SH2D4B: variants seen among roughly 807,000 people sequenced by gnomAD.
The protein encoded by SH2D4B is SH2 domain-containing protein 4B.
In SH2D4B, 45 loss-of-function variants were observed where a neutral mutation model predicts 61.5. That is an observed-to-expected ratio of 0.73 (90% CI 0.58 to 0.94). The LOEUF is 0.94. Ranked by LOEUF, SH2D4B falls within the 40% of genes least tolerant of loss-of-function variation. SH2D4B has a pLI of 0.00. For synonymous variants in SH2D4B, 224 were observed against 220.4 expected (o/e 1.02, Z -0.14); for missense variants, 572 against 574.2 (o/e 1.00, Z 0.04).
At chr10:80,624,862 A>G (rs1842753650) in intron 6 of SH2D4B, among the ~76,000 whole-genome samples, 1 of 152,258 alleles carries the variant, frequency 6.6e-6, no homozygotes, top group Admixed American at 6.5e-5. Flanking sequence ...CAGAACAACA[A>G]TATTAAAATA....
chr10:80,550,455 A>G (rs1028938695), intron 1 of SH2D4B, among the ~76,000 whole-genome samples: 2 of 152,226 alleles, frequency 1.3e-5, no homozygotes, highest in Admixed American at 6.5e-5. Context: ...CTAGCCGGGC[A>G]TGGTGGCAGG....
At chr10:80,628,974 G>C (rs1442352861) in intron 6 of SH2D4B, among the ~76,000 whole-genome samples, 1 of 150,546 alleles carries the variant, frequency 6.6e-6, no homozygotes, top group East Asian at 2.0e-4. Context: ...AGGTTGCAGT[G>C]AGCCGAGATC....
chr10:80,584,949 G>A (rs1490496746), intron 3 of SH2D4B, among the ~76,000 whole-genome samples: 1 of 152,222 alleles, frequency 6.6e-6, no homozygotes, highest in African/African-American at 2.4e-5. Context: ...AGTTGAAAAT[G>A]GTGGCCTCCA....
intron 3 of SH2D4B, among the ~76,000 whole-genome samples, chr10:80,587,985 CT>C (rs1842280172): frequency 6.6e-6 from 1 of 152,142 alleles, no homozygotes; most frequent in Non-Finnish European, 1.5e-5. Context: ...CCATTTTCTC[CT>C]CACCACCACC....
intron 4 of SH2D4B, among the ~76,000 whole-genome samples, chr10:80,599,506 G>A (rs991333045): frequency 7.9e-5 from 12 of 152,142 alleles, no homozygotes; most frequent in African/African-American, 2.9e-4. Flanking sequence ...GGGCTTTATG[G>A]TTCCCCAAAG....
At chr10:80,633,331 A>C (rs1335138456) in intron 6 of SH2D4B, among the ~76,000 whole-genome samples, 1 of 152,206 alleles carries the variant, frequency 6.6e-6, no homozygotes. Flanking sequence ...CAGCATCTCC[A>C]CAGCTATTCT....
At chr10:80,588,220 G>A (rs1842282278) in intron 3 of SH2D4B, among the ~76,000 whole-genome samples, 1 of 152,132 alleles carries the variant, frequency 6.6e-6, no homozygotes, top group African/African-American at 2.4e-5. Flanking sequence ...TGTGTAGCAG[G>A]TAAGAAATAT....
chr10:80,540,827 C>T (rs1028214926), intron 1 of SH2D4B: 29 of 1,550,094 alleles, frequency 1.9e-5, no homozygotes, highest in African/African-American at 1.1e-4. Context: ...TCAAAGCAGC[C>T]GTGCCGTGTC....
chr10:80,595,396 A>T (rs1842374501), intron 4 of SH2D4B, among the ~76,000 whole-genome samples: 1 of 152,154 alleles, frequency 6.6e-6, no homozygotes, highest in African/African-American at 2.4e-5. Context: ...ACATATGTTT[A>T]TGCTGAAGCC....
At chr10:80,626,293 A>G (rs1842766745) in intron 6 of SH2D4B, among the ~76,000 whole-genome samples, 1 of 151,322 alleles carries the variant, frequency 6.6e-6, no homozygotes, top group South Asian at 2.1e-4. Flanking sequence ...TTCTCTCAGC[A>G]TACTTGAAAC....
chr10:80,594,001 C>A (rs959137001), intron 4 of SH2D4B, among the ~76,000 whole-genome samples: 1 of 151,888 alleles, frequency 6.6e-6, no homozygotes, highest in Non-Finnish European at 1.5e-5. Flanking sequence ...TTTTTAGCGA[C>A]GGGGTTTTGC....
chr10:80,557,984 T>C (rs1415024293), intron 1 of SH2D4B, among the ~76,000 whole-genome samples: 1 of 152,186 alleles, frequency 6.6e-6, no homozygotes, highest in Non-Finnish European at 1.5e-5. Context: ...TATAAATGTC[T>C]TTCAGTGCCC....
Position 80,600,353 on chromosome 10 carries a change from G to A in SH2D4B, c.644-3226G>A, listed in dbSNP as rs145811520. Among the ~76,000 whole-genome samples the A allele has an allele frequency of 4.6e-4, 70 of 152,310 alleles. No homozygotes were observed. The East Asian group carries it at 0.012, about 27-fold the overall frequency. Reference sequence around the variant, plus strand: ...TGGAGTTTCTCTGCAGGATGTAACCGGATCATCTGAATTCTACAGGACACT... The same window carrying A: ...TGGAGTTTCTCTGCAGGATGTAACCAGATCATCTGAATTCTACAGGACACT... On this transcript the variant is annotated intron_variant, in intron 4 of 7. Coordinates refer to ENST00000646907, the MANE Select transcript of SH2D4B (RefSeq NM_001388272.1).
chr10:80,549,213 G>A (rs919806937), intron 1 of SH2D4B, among the ~76,000 whole-genome samples: 4 of 149,866 alleles, frequency 2.7e-5, no homozygotes, highest in African/African-American at 7.3e-5. Flanking sequence ...TTGTGTGTGT[G>A]TGTGTGTGTG....
chr10:80,635,336 C>T (rs1173073065), intron 7 of SH2D4B, among the ~76,000 whole-genome samples: 11 of 152,130 alleles, frequency 7.2e-5, no homozygotes, highest in Admixed American at 3.9e-4. Flanking sequence ...AAGGGCAGGA[C>T]GAAGGATTCC....
At chr10:80,542,387 G>A (rs1017018171) in intron 1 of SH2D4B, among the ~76,000 whole-genome samples, 1 of 145,506 alleles carries the variant, frequency 6.9e-6, no homozygotes, top group Non-Finnish European at 1.5e-5. Context: ...GTTTGGACCT[G>A]TCAGTTCTAT....
chr10:80,610,644 T>TC (rs1842585937), intron 6 of SH2D4B, among the ~76,000 whole-genome samples: 1 of 152,114 alleles, frequency 6.6e-6, no homozygotes, highest in Non-Finnish European at 1.5e-5. Context: ...CAGAAATACC[T>TC]CCAAGATGAG....
intron 6 of SH2D4B, 42 bp from the exon 7 acceptor site, chr10:80,634,243 A>G: frequency 1.4e-6 from 2 of 1,479,392 alleles, no homozygotes; most frequent in Non-Finnish European, 1.8e-6. Flanking sequence ...AGGCAGTCGC[A>G]GAACCTGCTG....
intron 3 of SH2D4B, among the ~76,000 whole-genome samples, chr10:80,583,148 G>A (rs1231675153): frequency 6.6e-6 from 1 of 152,166 alleles, no homozygotes; most frequent in Non-Finnish European, 1.5e-5. Context: ...CTCGCACACA[G>A]AGGAAACAGA....
Sources: gnomAD v4.1 joint callset for allele counts (sites outside exome capture counted in the v4.1 genomes callset) on GRCh38, gnomAD v4.1.1 for gene constraint, MANE v1.5 for transcripts, NCBI Gene and HGNC (gene_info 2026-07-23, HGNC 2026-07-21) for gene names.